Variants in TNS2 observed in about 807,000 individuals in gnomAD.
TNS2 encodes the protein tensin-2.
A neutral mutation model predicts 155.7 loss-of-function variants in TNS2; 77 were observed. That is an observed-to-expected ratio of 0.49 (90% confidence interval 0.41 to 0.60). The LOEUF (loss-of-function observed/expected upper bound fraction) is 0.60. Among genes scored for constraint, TNS2 ranks in the 20% least tolerant of loss-of-function variants. TNS2 has a pLI of 0.00. For missense variants in TNS2, 1,703 were observed against 1,868.8 expected (o/e 0.91, Z 1.64); for synonymous variants, 726 against 763.9 (o/e 0.95, Z 0.82).
Position 53,055,800 on chromosome 12 carries a change from G to A in TNS2, c.716G>A (p.Gly239Glu). ...LYCKGNKGKL[G>E]VIVSAYMHYS... ...TGTCAGGGAAACAAGGGCAAGCTTG[G>A]GGTCATCGTTTCTGCCTACATGCAC... Residue 239 changes from glycine to glutamate, a missense_variant, in exon 10 of 29, where the codon GGG (glycine) becomes GAG (glutamate). Physicochemically the swap from Gly to Glu is moderately conservative, Grantham distance 98. Transcript: ENST00000314250. The A allele has an allele frequency of 6.2e-7, 1 of 1,614,162 alleles. No homozygotes were observed. The highest frequency in any genetic ancestry group is 1.7e-5 in the Admixed American group (1 of 60,024).
At position 53,055,193 on chromosome 12, in the gene TNS2, A is replaced by G. The variant is rs780842960; in HGVS notation, c.530A>G (p.Asn177Ser). The change falls in exon 8 of 29, where the codon AAC (asparagine) becomes AGC (serine). Residue 177 changes from asparagine (N) to serine (S), a missense_variant. By Grantham distance (46) the Asn-to-Ser change is conservative (BLOSUM62 1). Transcript: ENST00000314250. The part of the protein sequence containing the change: ...SKHRDKYLLF[N>S]LSEKRHDLTR... ...CCTCCCCCTTTATTTCAGCTCTTCA[A>G]CCTTTCAGAGAAAAGGCATGACCTG... 2.5e-6 allele frequency: 4 copies of G among 1,613,910 alleles called. No individual in the cohort carries two copies. The highest frequency in any genetic ancestry group is 2.2e-5 in the East Asian group (1 of 44,884).
chr12:53,055,579 C>T lies in TNS2; in HGVS notation c.585C>T (p.Phe195=), dbSNP rs969174452. 9 of 1,604,426 alleles carry T rather than the reference C, an allele frequency of 5.6e-6. No homozygotes were observed. Among genetic ancestry groups the T allele is most frequent in the African/African-American group, 2.7e-5 (2 of 74,736 alleles). ...TGCATTCTCCCCAGGTTCAAGACTT[C>T]GGCTGGCCTGAGCTGCATGCTCCAC... ...LTRLNPKVQD[F]GWPELHAPPL... is the part of the protein sequence containing the mutation. Residue 195 remains phenylalanine (F), a synonymous_variant, in exon 9 of 29, where the codon TTC becomes TTT. Coordinates refer to ENST00000314250, the MANE Select transcript of TNS2 (RefSeq NM_170754.4).
intron 17 of TNS2, 103 bp from the exon 18 acceptor site, chr12:53,058,944 C>A: frequency 1.3e-6 from 2 of 1,551,786 alleles, no homozygotes; most frequent in Non-Finnish European, 1.7e-6. Flanking sequence ...GAGAGACACC[C>A]CCGGCCCGAC....
At chr12:53,062,091 A>T (rs554074814) in intron 22 of TNS2, 62 bp from the exon 23 acceptor site, 1 of 1,611,974 alleles carries the variant, frequency 6.2e-7, no homozygotes, top group African/African-American at 1.3e-5. Context: ...AAAGAATCCC[A>T]TTAGGGAAGA....
At position 53,050,305 on chromosome 12, in the gene TNS2, G is replaced by A. The variant is rs371493057; in HGVS notation, c.75+45G>A. On this transcript the variant is annotated intron_variant, in intron 1 of 28. Coordinates refer to ENST00000314250, the MANE Select transcript of TNS2 (RefSeq NM_170754.4). This position sits in a 1 kb window ranked among gnomAD's most constrained non-coding sequence, Gnocchi z 4.7. ...GGGCAAAAGAGGGGCAGGGGTGGAG[G>A]TGCGGGCAGTGGGGGAGGGGACCAG... The A allele has an allele frequency of 1.7e-5, 26 of 1,542,878 alleles. No homozygotes were observed. In the African/African-American group the frequency reaches 2.3e-4, roughly 14 times the overall value.
rs772259954 is a variant in TNS2 at position 53,058,032 on chromosome 12, T to C, written c.1025T>C (p.Ile342Thr). ...CTTCTCCTCTCTCCCCACAGTCACA[T>C]TGCAGGCCCTGGTCCCCAGCAGCTT... ...QLVYTSGVYH[I>T]AGPGPQQLCI... is the part of the protein sequence containing the mutation. The change falls in exon 14 of 29, where the codon ATT becomes ACT. Residue 342 changes from isoleucine to threonine, a missense_variant. Ile to Thr is a moderately conservative substitution (Grantham distance 89). Coordinates refer to ENST00000314250, the MANE Select transcript of TNS2 (RefSeq NM_170754.4). The C allele has an allele frequency of 6.2e-7, 1 of 1,614,030 alleles. No homozygotes were observed. Among genetic ancestry groups the C allele is most frequent in the Admixed American group, 1.7e-5 (1 of 59,998 alleles).
chr12:53,060,556 G>C lies in TNS2; in HGVS notation c.2768+1G>C. On this transcript the variant is annotated splice_donor_variant, in intron 19 of 28. Transcript: ENST00000314250. LOFTEE classifies it high-confidence loss of function. The surrounding 1 kb of genome is among the most constrained non-coding windows in gnomAD (Gnocchi z 6.1). ...GCAGTCCAGTCCAGGGCAAGGAAAG[G>C]TATGCAGAGGGGCCGGGGATGCTCG... The C allele has an allele frequency of 6.2e-7, 1 of 1,613,168 alleles. No individual in the cohort carries two copies. The highest frequency in any genetic ancestry group is 8.5e-7 in the Non-Finnish European group (1 of 1,179,796).
chr12:53,049,221 G>C (rs1430367246), upstream of TNS2: 15 of 1,605,918 alleles, frequency 9.3e-6, no homozygotes, highest in Non-Finnish European at 1.3e-5. Context: ...TGCTGAGGAA[G>C]GAGAGCAGAC....
chr12:53,058,751 C>G lies in TNS2; in HGVS notation c.1329C>G (p.Asp443Glu), dbSNP rs902419675. ...GGAACGACCCCTCGGTCTCTGTCGA[C>G]TACAACACCACTGAGCCAGCCGTGC... ...TPRNDPSVSV[D>E]YNTTEPAVRW... is the part of the protein sequence containing the mutation. Residue 443 changes from aspartate to glutamate, a missense_variant, in exon 17 of 29, where the codon GAC becomes GAG. Physicochemically the swap from Asp to Glu is conservative, Grantham distance 45 (BLOSUM62 2). Transcript: ENST00000314250. The G allele has an allele frequency of 6.2e-7, 1 of 1,613,930 alleles. No homozygotes were observed. Among genetic ancestry groups the G allele is most frequent in the Admixed American group, 1.7e-5 (1 of 60,002 alleles).
intron 12 of TNS2, 22 bp downstream of exon 12, chr12:53,057,701 T>A: frequency 6.2e-7 from 1 of 1,613,836 alleles, no homozygotes; most frequent in South Asian, 1.1e-5. Context: ...TGAGATGTGC[T>A]CCCTAGGGAG....
At chr12:53,056,947 C>T (rs1302185328) in intron 10 of TNS2, 66 bp from the exon 11 acceptor site, 6 of 1,483,940 alleles carry the variant, frequency 4.0e-6, no homozygotes, top group Admixed American at 3.7e-5. Context: ...TCCCCTGGGG[C>T]TTAGGGATGG....
chr12:53,061,275 C>T lies in TNS2; in HGVS notation c.3358+11C>T, dbSNP rs1234709657. 2 of 1,591,414 alleles carry T rather than the reference C, an allele frequency of 1.3e-6. No individual in the cohort carries two copies. The highest frequency in any genetic ancestry group is 1.7e-6 in the Non-Finnish European group (2 of 1,168,608). On this transcript the variant is annotated intron_variant, in intron 20 of 28. Transcript: ENST00000314250. ...TCCCCCAAACCCCAGGTATAAAGGC[C>T]TTGAGGGGGTTGGTGCCACCTTGAG... is the stretch of plus-strand genomic sequence containing the variant.
At chr12:53,062,893 C>T in intron 25 of TNS2, 196 bp downstream of exon 25, 1 of 923,136 alleles carries the variant, frequency 1.1e-6, no homozygotes. Context: ...ACAAGACGAT[C>T]ATGGGGTGGT....
In TNS2 at chr12:53,060,684, A is replaced by G. The variant is rs770187273; in HGVS notation, c.2778A>G (p.Arg926=). ...SPVQGKESTR[R]QDTRSPTSAP... The stretch of plus-strand genomic sequence containing the variant: ...CCCTTCCACCCTACAGCACCCGGCG[A>G]CAGGACACCAGGTCCCCCACCTCAG... The change falls in exon 20 of 29, where the codon CGA becomes CGG. Residue 926 remains arginine (R), a synonymous_variant. Coordinates refer to ENST00000314250, the MANE Select transcript of TNS2 (RefSeq NM_170754.4). This position sits in a 1 kb window ranked among gnomAD's most constrained non-coding sequence, Gnocchi z 6.1. 2 of 1,580,790 alleles carry G rather than the reference A, an allele frequency of 1.3e-6. No homozygotes were observed. Among genetic ancestry groups the G allele is most frequent in the Non-Finnish European group, 8.6e-7 (1 of 1,159,088 alleles).
In TNS2 at chr12:53,060,971, GC is replaced by G. The variant is rs764460526; in HGVS notation, c.3072del (p.Asp1025ThrfsTer130). 7 of 1,608,232 alleles carry G rather than the reference GC, an allele frequency of 4.4e-6. No individual in the cohort carries two copies. Among genetic ancestry groups the G allele is most frequent in the East Asian group, 2.2e-5 (1 of 44,580 alleles). On this transcript the variant is annotated frameshift_variant, in exon 20 of 29. Coordinates refer to ENST00000314250, the MANE Select transcript of TNS2 (RefSeq NM_170754.4). LOFTEE classifies it high-confidence loss of function. The surrounding 1 kb of genome is among the most constrained non-coding windows in gnomAD (Gnocchi z 6.1). ...CACGCCCCCTGGCAAGGCCCTCGAG[GC>G]CCCCCCGACAGCCCAGATGGGTCTC... is the stretch of plus-strand genomic sequence containing the variant. ...LRHAPWQGPR[G>X]PPDSPDGSPL...
At position 53,062,372 on chromosome 12, in the gene TNS2, A is replaced by G. The variant is rs1176861213; in HGVS notation, c.3668-4A>G. The G allele has an allele frequency of 1.2e-6, 2 of 1,613,916 alleles. No homozygotes were observed. The highest frequency in any genetic ancestry group is 3.3e-5 in the Admixed American group (2 of 60,004). ...TCGGGACTTTCCTACCTCCTCTCCC[A>G]CAGGCAGCCTGTCCGCCTTGGTCTC... On this transcript the variant is annotated splice_polypyrimidine_tract_variant and splice_region_variant and intron_variant, in intron 23 of 28. Transcript: ENST00000314250.
rs1943887350 is a variant in TNS2, at chr12:53,050,376, T to C, written c.75+116T>C. On this transcript the variant is annotated intron_variant, in intron 1 of 28. Coordinates refer to ENST00000314250, the MANE Select transcript of TNS2 (RefSeq NM_170754.4). This position sits in a 1 kb window ranked among gnomAD's most constrained non-coding sequence, Gnocchi z 4.7. ...CCCAATTTCAGCTTCCTCAGCCTTC[T>C]TCCCTGGCCCAGCATCCCCTCCGGA... 8.2e-7 allele frequency: 1 copy of C among 1,226,362 alleles called. No homozygotes were observed. The highest frequency in any genetic ancestry group is 1.1e-6 in the Non-Finnish European group (1 of 892,108). 76.0% of individuals were successfully genotyped at this position (1,226,362 alleles called of 1,614,324 possible). A position where few individuals can be genotyped will look rare whatever the true frequency, so the allele number is the denominator to read the frequency against.
At chr12:53,057,983 C>A (rs746649676) in intron 13 of TNS2, 44 bp from the exon 14 acceptor site, 1 of 1,612,942 alleles carries the variant, frequency 6.2e-7, no homozygotes, top group South Asian at 1.1e-5. Flanking sequence ...CCTCTGCACG[C>A]AGGAGCTTCT....
upstream of TNS2, among the ~76,000 whole-genome samples, chr12:53,047,590 G>A (rs1943772046): frequency 6.6e-6 from 1 of 151,376 alleles, no homozygotes; most frequent in Non-Finnish European, 1.5e-5. Context: ...GGGCGCGGCC[G>A]CGGCCCTACT....
Sources: allele counts gnomAD v4.1 joint callset (sites outside exome capture counted in the v4.1 genomes callset), GRCh38; gene constraint gnomAD v4.1.1; non-coding constraint Gnocchi (gnomAD v3.1); transcripts MANE v1.5; gene names NCBI Gene and HGNC (gene_info 2026-07-23, HGNC 2026-07-21).